Variants in ENTPD1 observed in about 807,000 individuals in gnomAD.
ENTPD1 encodes the protein ectonucleoside triphosphate diphosphohydrolase 1, also known as ATP diphosphohydrolase.
A neutral mutation model predicts 57.0 loss-of-function variants in ENTPD1; 33 were observed. The ratio of observed to expected loss-of-function variants is 0.58; its 90% CI spans 0.44 to 0.77. ENTPD1 has a LOEUF of 0.77. Ranked by LOEUF, ENTPD1 falls within the 30% of genes least tolerant of loss-of-function variation. ENTPD1 has a pLI of 0.00. For missense variants in ENTPD1, 501 were observed against 603.4 expected (o/e 0.83, Z 1.78); for synonymous variants, 202 against 218.8 (o/e 0.92, Z 0.68).
At chr10:95,771,950 G>A (rs1003744605) in intron 1 of ENTPD1, among the ~76,000 whole-genome samples, 1 of 152,022 alleles carries the variant, frequency 6.6e-6, no homozygotes, top group Admixed American at 6.6e-5. Flanking sequence ...GTTCCAGACC[G>A]CTACAAAGGA....
chr10:95,723,561 AC>A (rs1172795986), intron 1 of ENTPD1, among the ~76,000 whole-genome samples: 2 of 152,142 alleles, frequency 1.3e-5, no homozygotes, highest in African/African-American at 4.8e-5. Context: ...AACCATTAGT[AC>A]CTAGGAGGCA....
Position 95,844,554 on chromosome 10 carries a change from G to A in ENTPD1, c.492G>A (p.Gln164=). 1 of 1,614,206 alleles carries A rather than the reference G, an allele frequency of 6.2e-7. No homozygotes were observed. The highest frequency in any genetic ancestry group is 1.3e-5 in the African/African-American group (1 of 75,050). ...RSLSNYPFDF[Q]GARIITGQEE... is the part of the protein sequence containing the mutation. ...TCAGCAACTACCCCTTTGACTTCCA[G>A]GGTGCCAGGATCATTACTGGCCAAG... The change falls in exon 5 of 10, where the codon CAG becomes CAA. Residue 164 remains glutamine, a synonymous_variant. Coordinates refer to ENST00000371205, the MANE Select transcript of ENTPD1 (RefSeq NM_001776.6).
intron 1 of ENTPD1, among the ~76,000 whole-genome samples, chr10:95,794,438 G>C (rs2098218156): frequency 6.6e-6 from 1 of 152,098 alleles, no homozygotes; most frequent in Admixed American, 6.6e-5. Flanking sequence ...CCTACCCAGT[G>C]ATTCCCAACC....
Position 95,875,965 on chromosome 10 carries a change from C to A in ENTPD1, c.*9582C>A, listed in dbSNP as rs1452667986. 8 of 985,290 alleles carry A rather than the reference C, an allele frequency of 8.1e-6. No individual in the cohort carries two copies. Among genetic ancestry groups the A allele is most frequent in the Non-Finnish European group, 9.6e-6 (8 of 829,882 alleles). The allele number at this position is 985,290 out of a possible 1,614,324, so 61.0% of individuals were successfully genotyped here. Reference sequence around the variant, plus strand: ...GGGTGGGGACACAGCCAAACCATATCAATGATTTTGTACTTTAACCAGCTG... The same window carrying A: ...GGGTGGGGACACAGCCAAACCATATAAATGATTTTGTACTTTAACCAGCTG... On this transcript the variant is annotated 3_prime_UTR_variant, in exon 10 of 10. Transcript: ENST00000371205.
At chr10:95,732,009 C>G (rs1446136998) in intron 1 of ENTPD1, among the ~76,000 whole-genome samples, 1 of 151,900 alleles carries the variant, frequency 6.6e-6, no homozygotes, top group Non-Finnish European at 1.5e-5. Flanking sequence ...CCTTGAACTC[C>G]TGACCTCAGG....
rs150703995 is a variant in ENTPD1, at chr10:95,735,396, A to C, written c.37+23403A>C. Among the ~76,000 whole-genome samples the C allele has an allele frequency of 3.7e-3, 560 of 152,238 alleles. 1 individual carries two copies. Among genetic ancestry groups the C allele is most frequent in the African/African-American group, 0.013 (531 of 41,540 alleles). ...AAAGAAATCTATTTGTTTCCAGAGA[A>C]TCTCAAGTTATACTGTGTTTGTCAT... On this transcript the variant is annotated intron_variant, in intron 1 of 9. Transcript: ENST00000453258.
At chr10:95,715,935 G>C (rs1201234702) in intron 1 of ENTPD1, among the ~76,000 whole-genome samples, 1 of 152,096 alleles carries the variant, frequency 6.6e-6, no homozygotes, top group Non-Finnish European at 1.5e-5. Context: ...TGTGATCATG[G>C]ATCACTGCAG....
chr10:95,724,874 G>A (rs1290099646), intron 1 of ENTPD1, among the ~76,000 whole-genome samples: 4 of 152,188 alleles, frequency 2.6e-5, no homozygotes, highest in Non-Finnish European at 5.9e-5. Flanking sequence ...GGTTGCCCAG[G>A]TTAATTTTTA....
intron 1 of ENTPD1, among the ~76,000 whole-genome samples, chr10:95,802,645 C>T (rs1210910698): frequency 6.6e-6 from 1 of 152,114 alleles, no homozygotes; most frequent in Non-Finnish European, 1.5e-5. Flanking sequence ...GTGTGATGTT[C>T]CCCGCCCTGT....
At chr10:95,742,579 G>A (rs1169640273) in intron 1 of ENTPD1, among the ~76,000 whole-genome samples, 5 of 143,560 alleles carry the variant, frequency 3.5e-5, no homozygotes, top group African/African-American at 1.3e-4. Context: ...ATTGTGTGTT[G>A]TGGATGGAAA....
At chr10:95,737,671 G>C (rs533598710) in intron 1 of ENTPD1, among the ~76,000 whole-genome samples, 1 of 152,248 alleles carries the variant, frequency 6.6e-6, no homozygotes, top group East Asian at 1.9e-4. Flanking sequence ...ACACGCTTGA[G>C]CTGCTGCAAC....
intron 1 of ENTPD1, among the ~76,000 whole-genome samples, chr10:95,733,407 G>T (rs2097991354): frequency 6.6e-6 from 1 of 152,134 alleles, no homozygotes; most frequent in African/African-American, 2.4e-5. Flanking sequence ...ACGCAATCAT[G>T]ACAGGATCCT....
chr10:95,714,019 A>G (rs995971808), intron 1 of ENTPD1, among the ~76,000 whole-genome samples: 2 of 152,172 alleles, frequency 1.3e-5, no homozygotes, highest in African/African-American at 4.8e-5. Context: ...TTCTTAAGTT[A>G]AAGTTTGAGG....
intron 1 of ENTPD1, among the ~76,000 whole-genome samples, chr10:95,809,335 CCGGG>C (rs1194938797): frequency 9.4e-5 from 14 of 149,234 alleles, no homozygotes; most frequent in Admixed American, 2.0e-4. Flanking sequence ...GATGGGGTGG[CCGGG>C]CAGAGGCGCC....
At position 95,845,501 on chromosome 10, in the gene ENTPD1, C is replaced by T. The variant is rs779235232; in HGVS notation, c.718C>T (p.Arg240Cys). 1.5e-5 allele frequency: 24 copies of T among 1,614,092 alleles called. No individual in the cohort carries two copies. The highest frequency in any genetic ancestry group is 1.9e-5 in the Non-Finnish European group (22 of 1,180,056). ...IESPDNALQFRLYGKDYNVYT... is the reference protein window; with the variant it reads ...IESPDNALQFCLYGKDYNVYT... The stretch of plus-strand genomic sequence containing the variant: ...GTCCCCAGATAATGCTCTGCAATTT[C>T]GCCTCTATGGCAAGGACTACAATGT... Residue 240 changes from arginine (R) to cysteine (C), a missense_variant, in exon 6 of 10, where the codon CGC (arginine) becomes TGC (cysteine). Arg to Cys is a radical substitution (Grantham distance 180). Coordinates refer to ENST00000371205, the MANE Select transcript of ENTPD1 (RefSeq NM_001776.6).
intron 1 of ENTPD1, among the ~76,000 whole-genome samples, chr10:95,734,659 A>G (rs920959607): frequency 6.6e-6 from 1 of 152,230 alleles, no homozygotes; most frequent in Non-Finnish European, 1.5e-5. Context: ...CTGTACATGT[A>G]GTAAATGTTT....
chr10:95,753,056 A>G (rs899974531), upstream of ENTPD1: 3 of 152,224 alleles, frequency 2.0e-5, no homozygotes, highest in Non-Finnish European at 2.9e-5. Context: ...AAATTCTACC[A>G]TTCTAAGAAC....
intron 6 of ENTPD1, among the ~76,000 whole-genome samples, chr10:95,846,967 C>T (rs758039250): frequency 4.7e-5 from 7 of 149,016 alleles, no homozygotes; most frequent in East Asian, 1.9e-4. Flanking sequence ...CCAGCCTGGG[C>T]GACAGAGCAA....
At chr10:95,769,408 CA>C (rs1244664134) in intron 1 of ENTPD1, among the ~76,000 whole-genome samples, 1 of 152,222 alleles carries the variant, frequency 6.6e-6, no homozygotes, top group African/African-American at 2.4e-5. Context: ...CCAACATGTA[CA>C]AAGTCCTGAG....
Sources: allele counts gnomAD v4.1 joint callset (sites outside exome capture counted in the v4.1 genomes callset), GRCh38; gene constraint gnomAD v4.1.1; transcripts MANE v1.5; gene names NCBI Gene and HGNC (gene_info 2026-07-23, HGNC 2026-07-21).